The following SHQ1 variants were observed in gnomAD, a reference collection of about 807,000 sequenced individuals.
SHQ1 encodes protein SHQ1 homolog.
Under a neutral mutation model 53.8 loss-of-function variants are expected in SHQ1, and 49 were observed. That is an observed-to-expected ratio of 0.91 (90% CI 0.72 to 1.16). The LOEUF is 1.16. SHQ1 is among the 50% of genes most tolerant of loss of function. The probability of loss-of-function intolerance (pLI) is 0.00; values close to 1 mark genes in which losing one functional copy is unlikely to be tolerated. For missense variants in SHQ1, 738 were observed against 683.1 expected, an observed-to-expected ratio of 1.08 and a Z score of -0.90; for synonymous variants, 243 against 251.0, an observed-to-expected ratio of 0.97 and a Z score of 0.30.
At chr3:72,838,489 G>A (rs941988930) in intron 4 of SHQ1, among the ~76,000 whole-genome samples, 1 of 152,106 alleles carries the variant, frequency 6.6e-6, no homozygotes, top group Non-Finnish European at 1.5e-5. Context: ...ATTAAATTCA[G>A]TGGTTCATTT....
intron 9 of SHQ1, among the ~76,000 whole-genome samples, chr3:72,808,533 T>C (rs1359331679): frequency 2.6e-5 from 4 of 152,048 alleles, no homozygotes; most frequent in Admixed American, 1.3e-4. Context: ...AAAATGGGGA[T>C]AGTAATGCCT....
intron 10 of SHQ1, among the ~76,000 whole-genome samples, chr3:72,765,557 A>ATATATATTTTTT (rs1491527508): frequency 3.5e-5 from 2 of 57,184 alleles, no homozygotes; most frequent in African/African-American, 1.6e-4. Flanking sequence ...ATATATATAT[A>ATATATATTTTTT]TTTTTTTTTT....
Position 72,750,689 on chromosome 3 carries a change from A to G in SHQ1, c.1329T>C (p.Ser443=). ...ETALKAAHSV[S]GQQTLCSSSE... ...AGCTGGAGCAAAGTGTCTGCTGCCCAGAAACTGAATGGGCTGCTTTTAATG... is the reference window on the plus strand; with the variant it reads ...AGCTGGAGCAAAGTGTCTGCTGCCCGGAAACTGAATGGGCTGCTTTTAATG... The change falls in exon 11 of 11, where the codon TCT becomes TCC. Residue 443 remains serine (S), a synonymous_variant. Transcript: ENST00000325599. The G allele has an allele frequency of 6.2e-7, 1 of 1,602,068 alleles. No homozygotes were observed. The highest frequency in any genetic ancestry group is 1.1e-5 in the South Asian group (1 of 89,818).
At chr3:72,771,761 T>C (rs1000836994) in intron 10 of SHQ1, among the ~76,000 whole-genome samples, 14 of 152,218 alleles carry the variant, frequency 9.2e-5, no homozygotes, top group African/African-American at 3.4e-4. Context: ...TCGGGAAGAC[T>C]GAGAAGGGAT....
chr3:72,776,889 C>T (rs1705967747), intron 10 of SHQ1, among the ~76,000 whole-genome samples: 1 of 152,070 alleles, frequency 6.6e-6, no homozygotes, highest in Non-Finnish European at 1.5e-5. Context: ...GAACAGACAA[C>T]CTAGAAACAG....
chr3:72,741,046 C>T, the SHQ1 span, among the ~76,000 whole-genome samples: 17 of 152,180 alleles, frequency 1.1e-4, no homozygotes, highest in Admixed American at 1.1e-3. Context: ...TTTAGACAAC[C>T]TCAGAGATTC....
chr3:72,764,529 T>TA (rs1231654906), intron 10 of SHQ1, among the ~76,000 whole-genome samples: 1 of 152,236 alleles, frequency 6.6e-6, no homozygotes, highest in Non-Finnish European at 1.5e-5. Flanking sequence ...AGAATACCCT[T>TA]AAATGACAGC....
intron 6 of SHQ1, among the ~76,000 whole-genome samples, chr3:72,823,623 T>C (rs1197134269): frequency 1.3e-5 from 2 of 152,248 alleles, no homozygotes; most frequent in South Asian, 4.1e-4. Flanking sequence ...ATATGGAAGA[T>C]GTGCAACACA....
chr3:72,847,663 A>AG (rs1292253578), intron 1 of SHQ1, among the ~76,000 whole-genome samples: 1 of 152,166 alleles, frequency 6.6e-6, no homozygotes, highest in Admixed American at 6.5e-5. Flanking sequence ...AGCAGACAGC[A>AG]GGGAAGCAGG....
intron 4 of SHQ1, 123 bp downstream of exon 4, chr3:72,840,922 C>T: frequency 8.5e-7 from 1 of 1,170,986 alleles, no homozygotes; most frequent in South Asian, 1.6e-5. Flanking sequence ...GTGCTAAGTG[C>T]TTTAAATACA....
At chr3:72,816,502 A>C (rs1707321726) in intron 7 of SHQ1, among the ~76,000 whole-genome samples, 2 of 152,182 alleles carry the variant, frequency 1.3e-5, no homozygotes, top group South Asian at 4.1e-4. Context: ...CACTAACTAG[A>C]AAGGCTGTTT....
rs970748098 is a variant in SHQ1 at position 72,763,061 on chromosome 3, A to T, written c.1182-12225T>A. 6.7e-3 allele frequency among the ~76,000 whole-genome samples: 556 copies of T among 82,984 alleles called. 5 individuals carry two copies. Among genetic ancestry groups the T allele is most frequent in the African/African-American group, 0.027 (539 of 19,908 alleles). 54.4% of individuals were successfully genotyped at this position (82,984 alleles called of 152,430 possible). On this transcript the variant is annotated intron_variant, in intron 10 of 10. Coordinates refer to ENST00000325599, the MANE Select transcript of SHQ1 (RefSeq NM_018130.3). ...CACACACACACACACACACACACAC[A>T]CAGAGAGAGAGAGAGAGAGAGAGAG...
intron 9 of SHQ1, among the ~76,000 whole-genome samples, chr3:72,796,700 A>T (rs1706634437): frequency 6.6e-6 from 1 of 151,460 alleles, no homozygotes; most frequent in Non-Finnish European, 1.5e-5. Context: ...TACGTCTGTA[A>T]TCCCTGCTAC....
chr3:72,797,012 C>T (rs1338573388), intron 9 of SHQ1, among the ~76,000 whole-genome samples: 2 of 150,688 alleles, frequency 1.3e-5, no homozygotes, highest in African/African-American at 4.9e-5. Context: ...AATCCCAGCA[C>T]TCTGGGAGGC....
chr3:72,785,608 C>G (rs1706208381), intron 10 of SHQ1, among the ~76,000 whole-genome samples: 2 of 152,202 alleles, frequency 1.3e-5, no homozygotes, highest in Non-Finnish European at 2.9e-5. Context: ...TAAAGGGAGA[C>G]AGCAAGGATA....
intron 10 of SHQ1, chr3:72,772,607 T>C: frequency 1.4e-6 from 1 of 705,438 alleles, no homozygotes; most frequent in Non-Finnish European, 2.7e-6. Flanking sequence ...AACATTTTCT[T>C]AGGACTTGCA....
rs765053835 is a variant in SHQ1, at chr3:72,824,480, G to C, written c.671C>G (p.Ser224Ter). Residue 224 changes from serine (S) to a stop codon, truncating the protein, a stop_gained, in exon 6 of 11, where the codon TCA (serine) becomes TGA (stop). Coordinates refer to ENST00000325599, the MANE Select transcript of SHQ1 (RefSeq NM_018130.3). LOFTEE classifies it high-confidence loss of function. ...CTTTTCCAAAAAGGCCATCATTTTTGAATATTTGTCAGTCCACCAAGGATT... is the reference window on the plus strand; with the variant it reads ...CTTTTCCAAAAAGGCCATCATTTTTCAATATTTGTCAGTCCACCAAGGATT... ...KYNPWWTDKYSKMMAFLEKSQ... is the reference protein window; with the variant it reads ...KYNPWWTDKY The C allele has an allele frequency of 1.5e-5, 24 of 1,612,522 alleles. No individual in the cohort carries two copies. Among genetic ancestry groups the C allele is most frequent in the Middle Eastern group, 3.4e-4 (2 of 5,910 alleles).
chr3:72,802,120 G>C (rs1366447380), intron 9 of SHQ1, among the ~76,000 whole-genome samples: 1 of 152,176 alleles, frequency 6.6e-6, no homozygotes, highest in East Asian at 1.9e-4. Flanking sequence ...AAACATGTAA[G>C]TACTTTACAT....
intron 9 of SHQ1, among the ~76,000 whole-genome samples, chr3:72,802,514 A>G (rs1706820490): frequency 6.6e-6 from 1 of 151,876 alleles, no homozygotes; most frequent in South Asian, 2.1e-4. Flanking sequence ...CACTGTTTCT[A>G]CCTTTATCCT....
Sources: allele counts gnomAD v4.1 joint callset (sites outside exome capture counted in the v4.1 genomes callset), GRCh38; gene constraint gnomAD v4.1.1; transcripts MANE v1.5; gene names NCBI Gene and HGNC (gene_info 2026-07-23, HGNC 2026-07-21).